SBNO1: variants seen among roughly 807,000 people sequenced by gnomAD.
SBNO1 encodes protein strawberry notch homolog 1.
Under a neutral mutation model 173.6 loss-of-function variants are expected in SBNO1, and 23 were observed. That is an observed-to-expected ratio of 0.13 (90% confidence interval 0.10 to 0.19). The LOEUF is 0.19. Ranked by LOEUF, SBNO1 falls within the 10% of genes least tolerant of loss-of-function variation. SBNO1 has a pLI of 1.00. For synonymous variants in SBNO1, 632 were observed against 571.5 expected, an observed-to-expected ratio of 1.11 and a Z score of -1.51; for missense variants, 1,238 against 1,671.2, an observed-to-expected ratio of 0.74 and a Z score of 4.52.
At chr12:123,347,946 T>G in intron 3 of SBNO1, 83 bp downstream of exon 3, 1 of 759,654 alleles carries the variant, frequency 1.3e-6, no homozygotes, top group Non-Finnish European at 2.2e-6. Flanking sequence ...AGACTACAGG[T>G]GCGAATCACC....
intron 2 of SBNO1, among the ~76,000 whole-genome samples, chr12:123,349,813 G>T (rs1303847075): frequency 1.3e-5 from 2 of 152,094 alleles, no homozygotes; most frequent in African/African-American, 2.4e-5. Context: ...TACTCAGGAG[G>T]CTGAGGCAAG....
rs189333099 is a variant in SBNO1 at position 123,289,651 on chromosome 12, G to A, written c.*6257C>T. ...CAAAGTTTTATTGCAGAGATACAGT[G>A]TACCTCTTCCCACCTCTCATGGATG... On this transcript the variant is annotated 3_prime_UTR_variant, in exon 32 of 32. Coordinates refer to ENST00000602398, the MANE Select transcript of SBNO1 (RefSeq NM_001167856.3). 2.0e-5 allele frequency: 3 copies of A among 152,332 alleles called. No individual in the cohort carries two copies. The East Asian group carries it at 5.8e-4, about 29-fold the overall frequency. 9.4% of individuals were successfully genotyped at this position (152,332 alleles called of 1,614,324 possible). A position where few individuals can be genotyped will look rare whatever the true frequency, so the allele number is the denominator to read the frequency against.
chr12:123,308,755 G>A (rs2048984278), intron 28 of SBNO1, among the ~76,000 whole-genome samples: 1 of 152,082 alleles, frequency 6.6e-6, no homozygotes, highest in South Asian at 2.1e-4. Flanking sequence ...ATCACCTGAG[G>A]TCAGGAGTTC....
chr12:123,310,983 A>G, intron 25 of SBNO1, 72 bp downstream of exon 25: 1 of 1,152,484 alleles, frequency 8.7e-7, no homozygotes, highest in Non-Finnish European at 1.3e-6. Flanking sequence ...CCTTCAGCTC[A>G]AAAGCATATA....
chr12:123,330,462 C>G lies in SBNO1; in HGVS notation c.1091G>C (p.Arg364Thr). The change falls in exon 9 of 32, where the codon AGG becomes ACG. Residue 364 changes from arginine to threonine, a missense_variant. Physicochemically the swap from Arg to Thr is moderately conservative, Grantham distance 71. Around this residue, in one of 14 missense-constraint regions of SBNO1, gnomAD observed 56 missense variants for 65.1 expected, o/e 0.86. Transcript: ENST00000602398. Reference protein sequence around the residue: ...DLKYDAERDLRDIGAKNILVH... With the variant: ...DLKYDAERDLTDIGAKNILVH... ...CAAAATGTTTTTTGCTCCAATATCC[C>G]TTAAATCTCTTTCAGCATCATACTT... 6.2e-7 allele frequency: 1 copy of G among 1,605,490 alleles called. No individual in the cohort carries two copies.
intron 16 of SBNO1, 23 bp downstream of exon 16, chr12:123,323,657 T>G: frequency 1.3e-6 from 2 of 1,571,620 alleles, no homozygotes; most frequent in Non-Finnish European, 1.7e-6. Context: ...CCTGGCCTAT[T>G]TTTTCTTTTT....
intron 1 of SBNO1, among the ~76,000 whole-genome samples, chr12:123,355,205 G>A (rs1468317263): frequency 6.6e-6 from 1 of 151,914 alleles, no homozygotes; most frequent in African/African-American, 2.4e-5. Context: ...ATTTTTAGTA[G>A]AGACAGGGTT....
At chr12:123,314,156 A>G (rs1345031922) in intron 23 of SBNO1, among the ~76,000 whole-genome samples, 1 of 152,028 alleles carries the variant, frequency 6.6e-6, no homozygotes, top group Non-Finnish European at 1.5e-5. Context: ...AATTATCTTT[A>G]TATGTATTTA....
At position 123,297,134 on chromosome 12, in the gene SBNO1, C is replaced by T. The variant is rs376066676; in HGVS notation, c.4039+844G>A. On this transcript the variant is annotated intron_variant, in intron 31 of 31. Transcript: ENST00000602398. The stretch of plus-strand genomic sequence containing the variant: ...CAGCACTTTGGGAAGCTGAGGTGGG[C>T]GGATCACTTGAGGTCAGGAGTTTGA... 8.0e-5 allele frequency among the ~76,000 whole-genome samples: 12 copies of T among 150,934 alleles called. No individual in the cohort carries two copies. In the East Asian group the frequency reaches 2.2e-3, roughly 27 times the overall value.
In SBNO1 at chr12:123,290,819, G is replaced by A. The variant is rs1168093316; in HGVS notation, c.*5089C>T. ...GTGGCGCGATCTGGGCTCACTGCAA[G>A]CTCTGCCTCCCAGGTTCATGCCATT... On this transcript the variant is annotated 3_prime_UTR_variant, in exon 32 of 32. Coordinates refer to ENST00000602398, the MANE Select transcript of SBNO1 (RefSeq NM_001167856.3). 1 of 151,736 alleles carries A rather than the reference G, an allele frequency of 6.6e-6. No individual in the cohort carries two copies. The allele number at this position is 151,736 out of a possible 1,614,324, so 9.4% of individuals were successfully genotyped here.
chr12:123,304,822 A>C, intron 28 of SBNO1, 103 bp from the exon 29 acceptor site: 1 of 798,920 alleles, frequency 1.3e-6, no homozygotes, highest in Non-Finnish European at 2.0e-6. Context: ...AGACTATAAC[A>C]CTAAGTAAGT....
chr12:123,338,893 GACACACACACACACACACGCCCCC>G (rs1395937297), intron 5 of SBNO1, among the ~76,000 whole-genome samples: 5 of 3,802 alleles, frequency 1.3e-3, no homozygotes, highest in Admixed American at 2.7e-3. Flanking sequence ...CACACACCCC[GACACACACACACACACACGCCCCC>G]CCCCCCCTCC....
At chr12:123,354,560 G>T (rs1463277416) in intron 1 of SBNO1, among the ~76,000 whole-genome samples, 1 of 152,118 alleles carries the variant, frequency 6.6e-6, no homozygotes, top group Non-Finnish European at 1.5e-5. Context: ...CCCTTAGTAT[G>T]TAATTATATT....
intron 9 of SBNO1, among the ~76,000 whole-genome samples, chr12:123,329,240 G>A (rs1282574055): frequency 6.6e-6 from 1 of 152,062 alleles, no homozygotes; most frequent in Non-Finnish European, 1.5e-5. Flanking sequence ...AATTAGCCAG[G>A]CATCGTGGTG....
rs145344742 is a variant in SBNO1 at position 123,304,255 on chromosome 12, A to T, written c.3768+327T>A. Among the ~76,000 whole-genome samples, 978 of 150,812 alleles carry T rather than the reference A, an allele frequency of 6.5e-3. 13 individuals carry two copies. Among genetic ancestry groups the T allele is most frequent in the African/African-American group, 0.023 (943 of 41,048 alleles). On this transcript the variant is annotated intron_variant, in intron 29 of 31. Coordinates refer to ENST00000602398, the MANE Select transcript of SBNO1 (RefSeq NM_001167856.3). Reference sequence around the variant, plus strand: ...TAAAGTAAGTATTCTTTTTTTTGAGACGAAGTTTCGCGCTTGTTGCCCGGG... The same window carrying T: ...TAAAGTAAGTATTCTTTTTTTTGAGTCGAAGTTTCGCGCTTGTTGCCCGGG...
chr12:123,361,183 G>T (rs557609664), intron 1 of SBNO1, among the ~76,000 whole-genome samples: 1 of 152,182 alleles, frequency 6.6e-6, no homozygotes, highest in South Asian at 2.1e-4. Context: ...GGTGGAGGTT[G>T]CAGTGAGCAG....
Position 123,345,582 on chromosome 12 carries a change from A to G in SBNO1, c.238-12T>C, listed in dbSNP as rs996059446. On this transcript the variant is annotated splice_polypyrimidine_tract_variant and intron_variant, in intron 3 of 31. Coordinates refer to ENST00000602398, the MANE Select transcript of SBNO1 (RefSeq NM_001167856.3). The stretch of plus-strand genomic sequence containing the variant: ...GATGGAGGCTGCTGCTAGATAGAAA[A>G]CAAAAAACACACCACTGAAAAATGC... 6.2e-7 allele frequency: 1 copy of G among 1,604,640 alleles called. No homozygotes were observed. Among genetic ancestry groups the G allele is most frequent in the Non-Finnish European group, 8.5e-7 (1 of 1,172,984 alleles).
chr12:123,340,951 C>T, intron 5 of SBNO1, 37 bp downstream of exon 5: 3 of 1,280,888 alleles, frequency 2.3e-6, no homozygotes, highest in African/African-American at 3.0e-5. Flanking sequence ...CACTCTCATA[C>T]TACACAAAAA....
At chr12:123,345,610 C>A (rs1261901948) in intron 3 of SBNO1, 40 bp from the exon 4 acceptor site, 1 of 1,541,528 alleles carries the variant, frequency 6.5e-7, no homozygotes, top group South Asian at 1.2e-5. Context: ...AAAAATGCTT[C>A]ATTCTCTAAT....
Sources: gnomAD v4.1 joint callset for allele counts (sites outside exome capture counted in the v4.1 genomes callset) on GRCh38, gnomAD v4.1.1 for gene constraint, gnomAD v4.1.1 regional missense constraint, MANE v1.5 for transcripts, NCBI Gene and HGNC (gene_info 2026-07-23, HGNC 2026-07-21) for gene names.